The following EIF2B3 variants were observed in gnomAD, a reference collection of about 807,000 sequenced individuals.
The protein encoded by EIF2B3 is eukaryotic translation initiation factor 2B subunit gamma.
Under a neutral mutation model 54.1 loss-of-function variants are expected in EIF2B3, and 20 were observed. The observed-to-expected ratio is 0.37, with a 90% CI of 0.26 to 0.54. The LOEUF (loss-of-function observed/expected upper bound fraction) is 0.54, where lower values mean the gene tolerates loss of function less well. Ranked by LOEUF, EIF2B3 falls within the 20% of genes least tolerant of loss-of-function variation. EIF2B3 has a pLI of 0.86. For missense variants in EIF2B3, 448 were observed against 547.8 expected (o/e 0.82, Z 1.82); for synonymous variants, 153 against 188.1 (o/e 0.81, Z 1.52).
intron 5 of EIF2B3, among the ~76,000 whole-genome samples, chr1:44,914,660 T>C (rs1044958102): frequency 3.3e-5 from 5 of 150,516 alleles, no homozygotes; most frequent in African/African-American, 1.3e-4. Flanking sequence ...AAAATTCTCC[T>C]TCCTTCCTTC....
intron 3 of EIF2B3, among the ~76,000 whole-genome samples, chr1:44,975,038 G>T (rs1644438737): frequency 6.6e-6 from 1 of 152,100 alleles, no homozygotes; most frequent in Non-Finnish European, 1.5e-5. Flanking sequence ...AACACAGTGA[G>T]ACATCTCTAC....
chr1:44,949,009 C>T (rs752026883), intron 3 of EIF2B3, among the ~76,000 whole-genome samples: 6 of 152,150 alleles, frequency 3.9e-5, no homozygotes, highest in Non-Finnish European at 8.8e-5. Context: ...GCTGGGATTA[C>T]AGGTACATGC....
At chr1:44,888,494 T>C (rs1400821898) in intron 6 of EIF2B3, among the ~76,000 whole-genome samples, 3 of 147,330 alleles carry the variant, frequency 2.0e-5, no homozygotes, top group Non-Finnish European at 4.4e-5. Context: ...TCTCTCTCTC[T>C]CTCTCTCTGT....
intron 10 of EIF2B3, among the ~76,000 whole-genome samples, chr1:44,858,286 A>G (rs1225104385): frequency 2.0e-5 from 3 of 151,376 alleles, no homozygotes; most frequent in Non-Finnish European, 2.9e-5. Flanking sequence ...ATTCCATCCA[A>G]TCTGTTCTTT....
chr1:44,851,991 C>T (rs947867531), intron 11 of EIF2B3, among the ~76,000 whole-genome samples: 1 of 151,780 alleles, frequency 6.6e-6, no homozygotes, highest in Admixed American at 6.6e-5. Flanking sequence ...CTTTGTCACC[C>T]AGGCTGGAGT....
intron 3 of EIF2B3, among the ~76,000 whole-genome samples, chr1:44,977,624 C>A (rs540131583): frequency 6.6e-6 from 1 of 152,192 alleles, no homozygotes; most frequent in Admixed American, 6.6e-5. Flanking sequence ...ACCGCCATGC[C>A]CAGCTAATTT....
At chr1:44,923,601 T>A (rs1049525624) in intron 5 of EIF2B3, among the ~76,000 whole-genome samples, 3 of 152,012 alleles carry the variant, frequency 2.0e-5, no homozygotes, top group Admixed American at 2.0e-4. Context: ...GAAACCCAGT[T>A]CCTTTTATCC....
intron 1 of EIF2B3, among the ~76,000 whole-genome samples, chr1:44,985,144 T>C (rs1337945702): frequency 1.3e-5 from 2 of 152,216 alleles, no homozygotes; most frequent in African/African-American, 4.8e-5. Context: ...TATTTGTATT[T>C]GCTTTACTAG....
chr1:44,949,727 C>G (rs1478094672), intron 3 of EIF2B3, among the ~76,000 whole-genome samples: 1 of 152,146 alleles, frequency 6.6e-6, no homozygotes, highest in African/African-American at 2.4e-5. Flanking sequence ...AGCAGCTGTC[C>G]TGGAGGGCAC....
intron 1 of EIF2B3, among the ~76,000 whole-genome samples, chr1:44,983,291 G>A (rs181592145): frequency 8.5e-5 from 13 of 152,284 alleles, no homozygotes; most frequent in Admixed American, 3.9e-4. Context: ...AAAATGTAAC[G>A]TTCAGAAGAA....
At chr1:44,908,857 T>C (rs1643463153) in intron 5 of EIF2B3, among the ~76,000 whole-genome samples, 1 of 151,882 alleles carries the variant, frequency 6.6e-6, no homozygotes, top group Admixed American at 6.6e-5. Flanking sequence ...GAATCGAAGG[T>C]GGGTCTGAAT....
At chr1:44,926,338 T>G (rs1325136821) in intron 5 of EIF2B3, among the ~76,000 whole-genome samples, 1 of 152,186 alleles carries the variant, frequency 6.6e-6, no homozygotes, top group African/African-American at 2.4e-5. Context: ...ACCACTTTTT[T>G]TTTTAAAGGG....
chr1:44,894,601 C>T (rs1655903913), intron 6 of EIF2B3, among the ~76,000 whole-genome samples: 1 of 152,020 alleles, frequency 6.6e-6, no homozygotes, highest in Non-Finnish European at 1.5e-5. Flanking sequence ...AAACATGATG[C>T]TTTTCTACAT....
chr1:44,930,704 A>G (rs7533716), intron 4 of EIF2B3, among the ~76,000 whole-genome samples: 25,834 of 151,772 alleles, frequency 0.17, 2,301 homozygotes, highest in Non-Finnish European at 0.18. Flanking sequence ...GCAGTGGTGC[A>G]ACCTTGGCTC....
rs35410499 is a variant in EIF2B3 at position 44,939,101 on chromosome 1, C to CAA, written c.454+2403_454+2404dup. 5.6e-3 allele frequency among the ~76,000 whole-genome samples: 311 copies of CAA among 55,472 alleles called. 1 individual carries two copies. The highest frequency in any genetic ancestry group is 9.5e-3 in the African/African-American group (139 of 14,626). The allele number at this position is 55,472 out of a possible 152,430, so 36.4% of individuals were successfully genotyped here. ...TCGGCAACAGAGTAAGACCCTGTCT[C>CAA]AAAAAAAAAAAAAAAAAAAAAAAAA... On this transcript the variant is annotated intron_variant, in intron 4 of 11. Transcript: ENST00000360403.
chr1:44,893,963 A>G (rs1350324618), intron 6 of EIF2B3, among the ~76,000 whole-genome samples: 2 of 152,142 alleles, frequency 1.3e-5, no homozygotes, highest in African/African-American at 2.4e-5. Context: ...AAGCTGGCAT[A>G]TTGGCATATT....
chr1:44,907,535 C>T (rs995530447), intron 5 of EIF2B3, among the ~76,000 whole-genome samples: 1 of 149,746 alleles, frequency 6.7e-6, no homozygotes, highest in East Asian at 2.0e-4. Flanking sequence ...TCCAGCCTGG[C>T]GACAGAGCAA....
At chr1:44,862,134 C>T (rs1392858930) in intron 10 of EIF2B3, among the ~76,000 whole-genome samples, 1 of 152,130 alleles carries the variant, frequency 6.6e-6, no homozygotes, top group Non-Finnish European at 1.5e-5. Context: ...GAGGTGAGTT[C>T]CTATAGTCCA....
At chr1:44,870,660 T>G (rs1257399255) in intron 10 of EIF2B3, among the ~76,000 whole-genome samples, 2 of 152,028 alleles carry the variant, frequency 1.3e-5, no homozygotes, top group African/African-American at 4.8e-5. Flanking sequence ...TCTCAGGTTT[T>G]TTTTTTTTTT....
Sources: allele counts gnomAD v4.1 joint callset (sites outside exome capture counted in the v4.1 genomes callset), GRCh38; gene constraint gnomAD v4.1.1; transcripts MANE v1.5; gene names NCBI Gene and HGNC (gene_info 2026-07-23, HGNC 2026-07-21).